Variants in MZT2A observed in about 807,000 individuals in gnomAD.
MZT2A encodes mitotic spindle organizing protein 2A, also known as mitotic-spindle organizing protein 2A.
In MZT2A, 8 loss-of-function variants were observed where a neutral mutation model predicts 12.4. The ratio of observed to expected loss-of-function variants is 0.64; its 90% confidence interval spans 0.38 to 1.16. The LOEUF (loss-of-function observed/expected upper bound fraction) is 1.16, where lower values mean the gene tolerates loss of function less well. MZT2A is among the 50% of genes most tolerant of loss of function. The pLI is 0.01. For missense variants in MZT2A, 181 were observed against 223.6 expected, an observed-to-expected ratio of 0.81 and a Z score of 1.22; for synonymous variants, 88 against 107.5, an observed-to-expected ratio of 0.82 and a Z score of 1.12.
chr2:131,490,805 A>G, intron 2 of MZT2A: 1 of 1,550,034 alleles, frequency 6.5e-7, no homozygotes, highest in Non-Finnish European at 8.7e-7. Context: ...GCTGTGGAGC[A>G]TAACCAGAGA....
chr2:131,492,501 C>A (rs6710805), upstream of MZT2A: 133,392 of 1,103,834 alleles, frequency 0.12, 12,112 homozygotes, highest in African/African-American at 0.48. Context: ...GGCGGGAGCG[C>A]GGGGACGGGG....
chr2:131,475,600 G>T (rs1283876013), intron 2 of MZT2A, among the ~76,000 whole-genome samples: 1 of 152,128 alleles, frequency 6.6e-6, no homozygotes, highest in Non-Finnish European at 1.5e-5. Context: ...CAAAGTGCTG[G>T]GATTGCGGGC....
chr2:131,491,573 A>G (rs538443950), intron 2 of MZT2A: 10 of 530,486 alleles, frequency 1.9e-5, no homozygotes, highest in Non-Finnish European at 3.3e-5. Context: ...AACCGTCTTG[A>G]TTCCCGACTT....
downstream of MZT2A, among the ~76,000 whole-genome samples, chr2:131,481,710 G>C (rs1678872027): frequency 6.6e-6 from 1 of 152,142 alleles, no homozygotes; most frequent in Non-Finnish European, 1.5e-5. Context: ...CTGGATTACA[G>C]GCACGAGCCA....
At chr2:131,484,611 C>T (rs551202635) in intron 2 of MZT2A, among the ~76,000 whole-genome samples, 25 of 152,268 alleles carry the variant, frequency 1.6e-4, no homozygotes, top group African/African-American at 6.0e-4. Flanking sequence ...AGCAGGGACG[C>T]GCTGCCTCAT....
downstream of MZT2A, among the ~76,000 whole-genome samples, chr2:131,482,027 T>C (rs1559351613): frequency 6.6e-6 from 1 of 152,224 alleles, no homozygotes; most frequent in Non-Finnish European, 1.5e-5. Flanking sequence ...GGCAGGCACA[T>C]GGACCACTTC....
At chr2:131,475,626 C>A (rs566386344) in intron 2 of MZT2A, among the ~76,000 whole-genome samples, 1 of 152,172 alleles carries the variant, frequency 6.6e-6, no homozygotes, top group Non-Finnish European at 1.5e-5. Context: ...CCATCGCGCC[C>A]GGCCCGTTTT....
At chr2:131,472,613 G>T (rs554728202) in intron 2 of MZT2A, among the ~76,000 whole-genome samples, 3 of 152,082 alleles carry the variant, frequency 2.0e-5, no homozygotes, top group African/African-American at 7.2e-5. Context: ...TATTTTTCCC[G>T]TAGCTTTTCT....
downstream of MZT2A, chr2:131,482,514 T>C (rs1014562173): frequency 6.4e-7 from 1 of 1,564,044 alleles, no homozygotes; most frequent in South Asian, 1.2e-5. Flanking sequence ...AGGTTTGATA[T>C]AAGCTTCATG....
chr2:131,490,441 G>T (rs1679244529), intron 2 of MZT2A: 1 of 1,309,964 alleles, frequency 7.6e-7, no homozygotes, highest in Non-Finnish European at 9.8e-7. Context: ...CTGGAGAGGG[G>T]CTCTTTACAC....
rs749725118 is a variant in MZT2A at position 131,491,960 on chromosome 2, T to C, written c.235A>G (p.Met79Val). The change falls in exon 2 of 3, where the codon ATG becomes GTG. Residue 79 changes from methionine to valine, a missense_variant. This residue lies in a region of MZT2A where 106 missense variants were observed against 127.2 expected (regional missense o/e 0.83). Transcript: ENST00000309451. ...CTCGCTAGCCTCTGCCCGGCACACA[T>C]GGACTTGAGCATCTGGAAGACGGCG... ...PLAVFQMLKS[M>V]CAGQRLASEP... 3.2e-6 allele frequency: 5 copies of C among 1,547,674 alleles called. No individual in the cohort carries two copies. The highest frequency in any genetic ancestry group is 4.4e-6 in the Non-Finnish European group (5 of 1,144,938).
At chr2:131,483,005 C>T (rs547173753), downstream of MZT2A, 274 of 1,302,908 alleles carry the variant, frequency 2.1e-4, 2 homozygotes, top group Middle Eastern at 2.8e-4. Context: ...GCATGGACAG[C>T]GGTGGGGTGC....
chr2:131,480,560 C>T (rs554719635), downstream of MZT2A: 2,822 of 1,609,672 alleles, frequency 1.8e-3, 28 homozygotes, highest in East Asian at 3.4e-3. Context: ...TGTCTGTGGC[C>T]GAGATCACCA....
At chr2:131,480,756 C>A (rs2104726056), downstream of MZT2A, 1 of 1,606,644 alleles carries the variant, frequency 6.2e-7, no homozygotes, top group Non-Finnish European at 8.5e-7. Context: ...TAAGGTATGA[C>A]TGGGTGATGT....
In MZT2A at chr2:131,483,960, T is replaced by C. The variant is rs1169134229; in HGVS notation, c.*101A>G. The C allele has an allele frequency of 6.1e-6, 9 of 1,468,196 alleles. No homozygotes were observed. The highest frequency in any genetic ancestry group is 8.1e-6 in the Non-Finnish European group (9 of 1,109,104). 90.9% of individuals were successfully genotyped at this position (1,468,196 alleles called of 1,614,324 possible). ...AAAAAAAAAAACAGTAGAGAGCATC[T>C]GACCTGGACCCTCTGCATCTCAGAA... On this transcript the variant is annotated 3_prime_UTR_variant, in exon 3 of 3. Transcript: ENST00000309451.
downstream of MZT2A, among the ~76,000 whole-genome samples, chr2:131,483,717 AAAACAAAC>A (rs892722381): frequency 1.4e-5 from 2 of 145,198 alleles, no homozygotes; most frequent in African/African-American, 5.7e-5. Flanking sequence ...TCCGTTTCAG[AAAACAAAC>A]AAACAAACAA....
downstream of MZT2A, chr2:131,479,221 C>A (rs1393826412): frequency 6.5e-7 from 1 of 1,532,632 alleles, no homozygotes; most frequent in Non-Finnish European, 8.8e-7. Flanking sequence ...ACAGCATGTG[C>A]TCTGTAGAAG....
rs767218454 is a variant in MZT2A, at chr2:131,484,015, T to G, written c.*46A>C. On this transcript the variant is annotated 3_prime_UTR_variant, in exon 3 of 3. Transcript: ENST00000309451. ...TTATTATCAACTGAAGGAGGTAACA[T>G]GTAGCCTTTGCTGGGGACAAAGATG... 3.8e-5 allele frequency: 60 copies of G among 1,571,480 alleles called. No homozygotes were observed. The highest frequency in any genetic ancestry group is 4.6e-5 in the Non-Finnish European group (53 of 1,153,476).
chr2:131,476,151 G>C (rs763711489), intron 2 of MZT2A: 2 of 1,613,376 alleles, frequency 1.2e-6, no homozygotes, highest in South Asian at 2.2e-5. Context: ...AGCTGTGGCA[G>C]CCGGTTGAGG....
Sources: allele counts gnomAD v4.1 joint callset (sites outside exome capture counted in the v4.1 genomes callset), GRCh38; gene constraint gnomAD v4.1.1; regional missense constraint gnomAD v4.1.1; transcripts MANE v1.5; gene names NCBI Gene and HGNC (gene_info 2026-07-23, HGNC 2026-07-21).